ANK3: variants seen among roughly 807,000 people sequenced by gnomAD.
ANK3 encodes ankyrin 3.
A neutral mutation model predicts 370.9 loss-of-function variants in ANK3; 57 were observed. The observed-to-expected ratio is 0.15, with a 90% confidence interval of 0.12 to 0.19. ANK3 has a LOEUF of 0.19. ANK3 is among the 10% of genes least tolerant of loss of function. The pLI is 1.00. For synonymous variants in ANK3, 1,929 were observed against 1,946.3 expected, an observed-to-expected ratio of 0.99 and a Z score of 0.23; for missense variants, 4,439 against 5,302.1, an observed-to-expected ratio of 0.84 and a Z score of 5.06.
chr10:60,320,073 A>G (rs567727742), intron 1 of ANK3, among the ~76,000 whole-genome samples: 1 of 152,250 alleles, frequency 6.6e-6, no homozygotes, highest in Admixed American at 6.5e-5. Flanking sequence ...CTCAGTTCCA[A>G]CCACTTTCTT....
At chr10:60,667,396 G>A (rs2079012185) in intron 1 of ANK3, among the ~76,000 whole-genome samples, 1 of 151,726 alleles carries the variant, frequency 6.6e-6, no homozygotes, top group African/African-American at 2.4e-5. Flanking sequence ...AACCAAAAAT[G>A]TGTTATAGAC....
At chr10:60,108,152 T>C (rs2092383998) in intron 27 of ANK3, 1 of 407,808 alleles carries the variant, frequency 2.5e-6, no homozygotes, top group South Asian at 1.8e-5. Context: ...AAAAAAAAAT[T>C]GTAGACATTC....
intron 8 of ANK3, among the ~76,000 whole-genome samples, chr10:60,227,135 TTTTGC>T (rs766999115): frequency 1.3e-5 from 2 of 151,900 alleles, no homozygotes; most frequent in Non-Finnish European, 2.9e-5. Flanking sequence ...ACAGTCTTTG[TTTTGC>T]TTTTATTATG....
chr10:60,068,731 T>G lies in ANK3; in HGVS notation c.12150A>C (p.Thr4050=), dbSNP rs542392886. The G allele has an allele frequency of 6.2e-7, 1 of 1,614,192 alleles. No homozygotes were observed. The highest frequency in any genetic ancestry group is 8.5e-7 in the Non-Finnish European group (1 of 1,180,022). ...ETSRGGQPSV[T]TKSARDKKTE... is the part of the protein sequence containing the mutation. ...TTTTCTTATCTCTAGCAGACTTCGT[T>G]GTAACCGAAGGCTGGCCACCCCGGG... Residue 4050 remains threonine, a synonymous_variant, in exon 37 of 44, where the codon ACA becomes ACC. Coordinates refer to ENST00000280772, the MANE Select transcript of ANK3 (RefSeq NM_020987.5).
intron 1 of ANK3, among the ~76,000 whole-genome samples, chr10:60,698,019 A>AAT (rs2079487560): frequency 6.6e-6 from 1 of 152,226 alleles, no homozygotes. Flanking sequence ...ACAAAAGGCT[A>AAT]ATATCCAGAA....
At chr10:60,144,816 A>C (rs975071930) in intron 23 of ANK3, among the ~76,000 whole-genome samples, 1 of 152,208 alleles carries the variant, frequency 6.6e-6, no homozygotes, top group African/African-American at 2.4e-5. Context: ...GGTCCAGTAC[A>C]TGGTGTAATA....
chr10:60,547,077 C>T (rs1205488013), intron 2 of ANK3, among the ~76,000 whole-genome samples: 3 of 146,884 alleles, frequency 2.0e-5, no homozygotes, highest in Non-Finnish European at 4.5e-5. Context: ...TGTCAGTTCC[C>T]TCAATGCAAC....
intron 1 of ANK3, among the ~76,000 whole-genome samples, chr10:60,305,767 T>TG (rs2044898843): frequency 6.6e-6 from 1 of 152,152 alleles, no homozygotes; most frequent in South Asian, 2.1e-4. Flanking sequence ...CTACTGTCAC[T>TG]CATCTCAAAG....
chr10:60,081,510 T>C (rs1004507946), intron 35 of ANK3: 3 of 442,960 alleles, frequency 6.8e-6, no homozygotes, highest in African/African-American at 4.1e-5. Flanking sequence ...GACAACTTAA[T>C]TGAACTATAT....
intron 2 of ANK3, among the ~76,000 whole-genome samples, chr10:60,614,523 G>A (rs2078242387): frequency 1.3e-5 from 2 of 152,182 alleles, no homozygotes; most frequent in South Asian, 4.1e-4. Context: ...TGGATGGCAT[G>A]AGCACATGGA....
intron 2 of ANK3, among the ~76,000 whole-genome samples, chr10:60,446,154 C>G (rs1172182520): frequency 6.6e-6 from 1 of 152,062 alleles, no homozygotes; most frequent in Non-Finnish European, 1.5e-5. Flanking sequence ...GAATTTTAAG[C>G]CATGGAGGAT....
chr10:60,226,367 A>G (rs1409335241), intron 8 of ANK3, among the ~76,000 whole-genome samples: 1 of 112,296 alleles, frequency 8.9e-6, no homozygotes, highest in Non-Finnish European at 1.7e-5. Flanking sequence ...TATATAATAT[A>G]GTAAATTATA....
intron 1 of ANK3, among the ~76,000 whole-genome samples, chr10:60,700,583 C>T (rs909558232): frequency 2.0e-5 from 3 of 152,126 alleles, no homozygotes; most frequent in Non-Finnish European, 4.4e-5. Flanking sequence ...ATTATCAAGT[C>T]TCTAATATTA....
At chr10:60,412,425 G>A (rs79277950) in intron 2 of ANK3, among the ~76,000 whole-genome samples, 20,968 of 152,040 alleles carry the variant, frequency 0.14, 1,551 homozygotes, top group South Asian at 0.16. Context: ...CTACATCATC[G>A]GCTCTGCAGG....
chr10:60,164,705 C>T (rs564340983), intron 23 of ANK3, among the ~76,000 whole-genome samples: 1 of 152,066 alleles, frequency 6.6e-6, no homozygotes, highest in South Asian at 2.1e-4. Context: ...TCCAAATGGA[C>T]TATGCAGCTT....
chr10:60,032,219 T>TTTTTTTTTTTTTTTTTTTTA (rs2073819598), intron 43 of ANK3, among the ~76,000 whole-genome samples: 1 of 127,558 alleles, frequency 7.8e-6, no homozygotes, highest in Non-Finnish European at 1.7e-5. Context: ...TTTTTTTTTT[T>TTTTTTTTTTTTTTTTTTTTA]GAGACGAAGT....
At chr10:60,498,949 C>G (rs1019723900) in intron 2 of ANK3, among the ~76,000 whole-genome samples, 1 of 152,192 alleles carries the variant, frequency 6.6e-6, no homozygotes, top group African/African-American at 2.4e-5. Flanking sequence ...CTATACTTGT[C>G]ACATCAAGCA....
At chr10:60,554,700 A>G (rs1410348911) in intron 2 of ANK3, among the ~76,000 whole-genome samples, 1 of 152,220 alleles carries the variant, frequency 6.6e-6, no homozygotes, top group Non-Finnish European at 1.5e-5. Flanking sequence ...TTACTTAAAA[A>G]TAATAGCAAA....
intron 32 of ANK3, chr10:60,084,379 C>T (rs2086130171): frequency 1.0e-5 from 2 of 198,388 alleles, no homozygotes; most frequent in African/African-American, 4.8e-5. Context: ...GCACTCCAGC[C>T]TCGGCAACAG....
Sources: gnomAD v4.1 joint callset for allele counts (sites outside exome capture counted in the v4.1 genomes callset) on GRCh38, gnomAD v4.1.1 for gene constraint, MANE v1.5 for transcripts, NCBI Gene and HGNC (gene_info 2026-07-23, HGNC 2026-07-21) for gene names.